The following ANKRD17 variants were observed in gnomAD, a reference collection of about 807,000 sequenced individuals.
ANKRD17 encodes ankyrin repeat domain 17.
A neutral mutation model predicts 229.7 loss-of-function variants in ANKRD17; 19 were observed. That is an observed-to-expected ratio of 0.08 (90% CI 0.06 to 0.12). The LOEUF (loss-of-function observed/expected upper bound fraction) is 0.12. ANKRD17 is among the 10% of genes least tolerant of loss of function. The pLI, the probability that ANKRD17 is intolerant of heterozygous loss-of-function variation, is 1.00. For missense variants in ANKRD17, 2,176 were observed against 3,176.8 expected (o/e 0.68, Z 7.57); for synonymous variants, 1,112 against 1,146.1 (o/e 0.97, Z 0.60).
intron 3 of ANKRD17, 134 bp from the exon 4 acceptor site, chr4:73,156,300 C>G (rs1731650530): frequency 1.8e-6 from 2 of 1,094,630 alleles, no homozygotes; most frequent in Non-Finnish European, 2.5e-6. Flanking sequence ...GGAGGGGGTA[C>G]AGTGATGCAA....
intron 6 of ANKRD17, among the ~76,000 whole-genome samples, chr4:73,152,137 G>A (rs542977989): frequency 3.9e-5 from 6 of 152,044 alleles, no homozygotes; most frequent in Non-Finnish European, 8.8e-5. Context: ...AAAAGCAGAC[G>A]ACAAATTATA....
intron 2 of ANKRD17, chr4:73,168,791 CTTTTA>C (rs1286624161): frequency 6.6e-6 from 1 of 152,184 alleles, no homozygotes; most frequent in African/African-American, 2.4e-5. Flanking sequence ...GTCCTTCCAA[CTTTTA>C]TTTTAGGTAC....
chr4:73,131,972 A>G (rs557931385), intron 16 of ANKRD17, among the ~76,000 whole-genome samples: 3 of 152,194 alleles, frequency 2.0e-5, no homozygotes, highest in Admixed American at 2.0e-4. Context: ...ACACATAATC[A>G]AAGTACCCAC....
Position 73,091,306 on chromosome 4 carries a change from G to C in ANKRD17, c.6322C>G (p.Gln2108Glu), listed in dbSNP as rs1409779341. The C allele has an allele frequency of 6.2e-7, 1 of 1,614,156 alleles. No individual in the cohort carries two copies. Among genetic ancestry groups the C allele is most frequent in the Admixed American group, 1.7e-5 (1 of 60,022 alleles). The change falls in exon 29 of 34, where the codon CAG (glutamine) becomes GAG (glutamate). Residue 2108 changes from glutamine to glutamate, a missense_variant. Transcript: ENST00000358602. ...SSGSSSAHSN[Q>E]QQPPGSVSQE... Reference sequence around the variant, plus strand: ...GAAACAGATCCCGGAGGTTGTTGCTGATTAGAATGAGCTGATGAACTCCCA... The same window carrying C: ...GAAACAGATCCCGGAGGTTGTTGCTCATTAGAATGAGCTGATGAACTCCCA...
intron 1 of ANKRD17, among the ~76,000 whole-genome samples, chr4:73,189,328 T>C (rs953320298): frequency 8.6e-5 from 13 of 151,924 alleles, no homozygotes; most frequent in African/African-American, 2.9e-4. Flanking sequence ...TTTTTTCTGT[T>C]TCTCTGTCAC....
intron 1 of ANKRD17, among the ~76,000 whole-genome samples, chr4:73,195,101 CCTTTT>C (rs568016729): frequency 8.4e-4 from 128 of 152,158 alleles, no homozygotes; most frequent in African/African-American, 2.9e-3. Flanking sequence ...TTGTCAAGTT[CCTTTT>C]CTGTATCTAC....
At chr4:73,217,779 A>T (rs556183570) in intron 1 of ANKRD17, among the ~76,000 whole-genome samples, 41 of 152,352 alleles carry the variant, frequency 2.7e-4, no homozygotes, top group Middle Eastern at 6.8e-3. Flanking sequence ...ACTACTAAAA[A>T]AAATTGCATA....
intron 1 of ANKRD17, among the ~76,000 whole-genome samples, chr4:73,210,769 T>C (rs1578405059): frequency 6.6e-6 from 1 of 151,894 alleles, no homozygotes; most frequent in East Asian, 1.9e-4. Flanking sequence ...CAAAAGAAAT[T>C]TTTTCTCAGA....
intron 2 of ANKRD17, among the ~76,000 whole-genome samples, chr4:73,169,687 G>A (rs1733713472): frequency 6.6e-6 from 1 of 152,170 alleles, no homozygotes; most frequent in African/African-American, 2.4e-5. Context: ...AGAAAAGACA[G>A]TTTTGAATTG....
chr4:73,092,415 T>C (rs1482203068), intron 28 of ANKRD17, 115 bp from the exon 29 acceptor site: 5 of 780,678 alleles, frequency 6.4e-6, no homozygotes, highest in Non-Finnish European at 1.0e-5. Flanking sequence ...TGTATATACA[T>C]ACACACATAC....
In ANKRD17 at chr4:73,208,663, G is replaced by A. The variant is rs1739837106; in HGVS notation, c.394-31130C>T. ...CTCCAAGGAAACCCCAGTTAAGACA[G>A]GCAGAATGAGTCAAAGAAATCCAGG... On this transcript the variant is annotated intron_variant, in intron 1 of 33. Transcript: ENST00000358602. Among the ~76,000 whole-genome samples, 3 of 152,122 alleles carry A rather than the reference G, an allele frequency of 2.0e-5. No individual in the cohort carries two copies. The South Asian group carries it at 6.2e-4, about 31-fold the overall frequency.
intron 26 of ANKRD17, 26 bp downstream of exon 26, chr4:73,098,047 T>TA (rs1224288735): frequency 1.3e-6 from 2 of 1,554,966 alleles, no homozygotes; most frequent in Non-Finnish European, 1.7e-6. Flanking sequence ...ACACTATAAA[T>TA]ATTGAAAATA....
At chr4:73,241,096 C>G (rs1023536369) in intron 1 of ANKRD17, among the ~76,000 whole-genome samples, 1 of 152,064 alleles carries the variant, frequency 6.6e-6, no homozygotes, top group South Asian at 2.1e-4. Flanking sequence ...CAGATGTGAG[C>G]CACCGTGCCC....
At chr4:73,225,175 T>G (rs1056519136) in intron 1 of ANKRD17, among the ~76,000 whole-genome samples, 2 of 152,164 alleles carry the variant, frequency 1.3e-5, no homozygotes, top group African/African-American at 4.8e-5. Flanking sequence ...TTTCTATGCT[T>G]CAAATAAACT....
At chr4:73,127,384 A>C (rs1727612090) in intron 16 of ANKRD17, among the ~76,000 whole-genome samples, 1 of 152,228 alleles carries the variant, frequency 6.6e-6, no homozygotes, top group Admixed American at 6.5e-5. Context: ...AAATTAAATT[A>C]AATATATTTT....
At chr4:73,226,636 ACCCGCCTCAGACTC>A (rs1389289465) in intron 1 of ANKRD17, among the ~76,000 whole-genome samples, 5 of 146,624 alleles carry the variant, frequency 3.4e-5, no homozygotes, top group Admixed American at 3.4e-4. Flanking sequence ...CTCGTAATTC[ACCCGCCTCAGACTC>A]CCAAAGTGCT....
At chr4:73,133,305 A>C (rs1440875189) in intron 16 of ANKRD17, among the ~76,000 whole-genome samples, 1 of 152,092 alleles carries the variant, frequency 6.6e-6, no homozygotes, top group Non-Finnish European at 1.5e-5. Context: ...AAATAATGCA[A>C]ATTCAATGCC....
chr4:73,223,019 C>A, intron 1 of ANKRD17: 1 of 1,536,158 alleles, frequency 6.5e-7, no homozygotes. Context: ...CAGCCGCTGT[C>A]TCCACCATGT....
chr4:73,210,236 C>A (rs1368730578), intron 1 of ANKRD17, among the ~76,000 whole-genome samples: 1 of 151,680 alleles, frequency 6.6e-6, no homozygotes, highest in Non-Finnish European at 1.5e-5. Flanking sequence ...TAAAAAAAAC[C>A]CTAGTAGAAC....
Sources: allele counts gnomAD v4.1 joint callset (sites outside exome capture counted in the v4.1 genomes callset), GRCh38; gene constraint gnomAD v4.1.1; transcripts MANE v1.5; gene names NCBI Gene and HGNC (gene_info 2026-07-23, HGNC 2026-07-21).